The following SLC35F3 variants were observed in gnomAD, a reference collection of about 807,000 sequenced individuals.
SLC35F3 encodes solute carrier family 35 member F3, also known as putative thiamine transporter SLC35F3.
Under a neutral mutation model 49.9 loss-of-function variants are expected in SLC35F3, and 25 were observed. The observed-to-expected ratio is 0.50, with a 90% CI of 0.37 to 0.70. SLC35F3 has a LOEUF of 0.70. Among genes scored for constraint, SLC35F3 ranks in the 30% least tolerant of loss-of-function variants. The pLI is 0.00. For synonymous variants in SLC35F3, 275 were observed against 265.4 expected, an observed-to-expected ratio of 1.04 and a Z score of -0.35; for missense variants, 525 against 639.8, an observed-to-expected ratio of 0.82 and a Z score of 1.94.
intron 2 of SLC35F3, among the ~76,000 whole-genome samples, chr1:234,087,314 G>A (rs116361350): frequency 1.3e-5 from 2 of 152,308 alleles, no homozygotes; most frequent in South Asian, 4.1e-4. Context: ...TGATTAAATA[G>A]TTGCTGTCAC....
intron 2 of SLC35F3, among the ~76,000 whole-genome samples, chr1:234,189,466 A>G (rs1286204080): frequency 1.3e-5 from 2 of 151,424 alleles, no homozygotes; most frequent in African/African-American, 4.9e-5. Flanking sequence ...AGAAGAACGA[A>G]CTTCAGAGCT....
intron 2 of SLC35F3, among the ~76,000 whole-genome samples, chr1:233,916,683 G>A (rs769312229): frequency 4.6e-5 from 7 of 152,302 alleles, no homozygotes; most frequent in South Asian, 4.1e-4. Context: ...TGTTCTATCC[G>A]CAACTGACAT....
At chr1:234,256,454 G>C (rs998249832) in intron 3 of SLC35F3, among the ~76,000 whole-genome samples, 11 of 152,110 alleles carry the variant, frequency 7.2e-5, no homozygotes, top group African/African-American at 2.7e-4. Context: ...GCTAACTGTC[G>C]TTAGGCTCTT....
intron 2 of SLC35F3, among the ~76,000 whole-genome samples, chr1:234,109,751 A>C (rs1030270337): frequency 6.6e-6 from 1 of 152,200 alleles, no homozygotes; most frequent in Non-Finnish European, 1.5e-5. Flanking sequence ...GGTGACGGCC[A>C]CTGGAAGGAG....
chr1:234,311,887 G>C (rs1397734426), intron 4 of SLC35F3, among the ~76,000 whole-genome samples: 1 of 152,218 alleles, frequency 6.6e-6, no homozygotes, highest in Non-Finnish European at 1.5e-5. Context: ...TGGACCTTGA[G>C]CAGACTAGTA....
chr1:234,104,636 T>C (rs973111626), intron 2 of SLC35F3, among the ~76,000 whole-genome samples: 1 of 152,196 alleles, frequency 6.6e-6, no homozygotes, highest in Non-Finnish European at 1.5e-5. Flanking sequence ...GCTAAAGATA[T>C]AGTTGTACCA....
At chr1:234,162,459 A>T (rs182941589) in intron 2 of SLC35F3, among the ~76,000 whole-genome samples, 1 of 150,748 alleles carries the variant, frequency 6.6e-6, no homozygotes, top group Admixed American at 6.6e-5. Context: ...AACCTGGGCA[A>T]CACCTGCTTC....
At chr1:234,232,124 C>T (rs539277099) in intron 3 of SLC35F3, among the ~76,000 whole-genome samples, 1 of 152,296 alleles carries the variant, frequency 6.6e-6, no homozygotes, top group South Asian at 2.1e-4. Flanking sequence ...TCGGACGCTT[C>T]CTGTAGCTGA....
At chr1:234,124,116 T>A (rs1665613836) in intron 2 of SLC35F3, among the ~76,000 whole-genome samples, 1 of 152,168 alleles carries the variant, frequency 6.6e-6, no homozygotes, top group African/African-American at 2.4e-5. Flanking sequence ...GAGTCTTCAG[T>A]GTTCATTTTA....
chr1:234,112,248 G>C (rs1421763310), intron 2 of SLC35F3, among the ~76,000 whole-genome samples: 1 of 152,196 alleles, frequency 6.6e-6, no homozygotes, highest in Admixed American at 6.5e-5. Flanking sequence ...CTGCTCAGGA[G>C]GCTGAGGTAG....
intron 2 of SLC35F3, among the ~76,000 whole-genome samples, chr1:234,022,525 G>C (rs1479723013): frequency 6.6e-6 from 1 of 152,108 alleles, no homozygotes; most frequent in Non-Finnish European, 1.5e-5. Context: ...ATTATGGAAT[G>C]CAGTCTGCTT....
At chr1:234,171,035 G>A (rs1389918473) in intron 2 of SLC35F3, among the ~76,000 whole-genome samples, 2 of 152,214 alleles carry the variant, frequency 1.3e-5, no homozygotes, top group Non-Finnish European at 2.9e-5. Flanking sequence ...CTATGGGGCT[G>A]TGCTCTTAAT....
intron 2 of SLC35F3, among the ~76,000 whole-genome samples, chr1:234,221,549 G>A (rs1034031015): frequency 5.3e-5 from 8 of 152,202 alleles, no homozygotes; most frequent in Non-Finnish European, 8.8e-5. Context: ...AAGTGTCATC[G>A]TTTGCCGCAA....
chr1:234,173,697 G>A lies in SLC35F3; in HGVS notation c.284-57720G>A, dbSNP rs955534161. On this transcript the variant is annotated intron_variant, in intron 2 of 7. Coordinates refer to ENST00000366618, the MANE Select transcript of SLC35F3 (RefSeq NM_173508.4). The stretch of plus-strand genomic sequence containing the variant: ...TCCTTGGGAAGTTTTAGGATGGAAT[G>A]TGGGGTTTTAAATACCTTTTGCCTT... 5.9e-5 allele frequency among the ~76,000 whole-genome samples: 9 copies of A among 152,234 alleles called. 1 individual carries two copies. The East Asian group carries it at 1.2e-3, about 20-fold the overall frequency.
intron 2 of SLC35F3, among the ~76,000 whole-genome samples, chr1:234,018,625 A>G (rs1372611179): frequency 6.6e-6 from 1 of 152,228 alleles, no homozygotes; most frequent in African/African-American, 2.4e-5. Flanking sequence ...ACAAAATGCC[A>G]GACACCATGT....
At chr1:234,077,262 C>T (rs1350953379) in intron 2 of SLC35F3, among the ~76,000 whole-genome samples, 1 of 152,024 alleles carries the variant, frequency 6.6e-6, no homozygotes, top group Non-Finnish European at 1.5e-5. Context: ...CCTCGGCCTC[C>T]CAAAGTGCTG....
At chr1:234,172,481 C>T (rs1666413238) in intron 2 of SLC35F3, among the ~76,000 whole-genome samples, 1 of 152,198 alleles carries the variant, frequency 6.6e-6, no homozygotes. Flanking sequence ...CCCACCTTGG[C>T]CTCCCGAAGT....
intron 2 of SLC35F3, among the ~76,000 whole-genome samples, chr1:234,023,481 G>A (rs1663930457): frequency 6.6e-6 from 1 of 152,134 alleles, no homozygotes; most frequent in African/African-American, 2.4e-5. Flanking sequence ...AGTACATACT[G>A]ATGTAAAAAA....
intron 3 of SLC35F3, among the ~76,000 whole-genome samples, chr1:234,294,273 C>T (rs754236936): frequency 3.3e-5 from 5 of 152,122 alleles, no homozygotes; most frequent in Admixed American, 6.5e-5. Context: ...AGCGTTGAGC[C>T]GAAGCAACGA....
Sources: allele counts gnomAD v4.1 joint callset (sites outside exome capture counted in the v4.1 genomes callset), GRCh38; gene constraint gnomAD v4.1.1; transcripts MANE v1.5; gene names NCBI Gene and HGNC (gene_info 2026-07-23, HGNC 2026-07-21).